Variants in TTC34 observed in about 807,000 individuals in gnomAD.
TTC34 encodes the protein tetratricopeptide repeat domain 34, also known as tetratricopeptide repeat protein 34.
Under a neutral mutation model 40.7 loss-of-function variants are expected in TTC34, and 44 were observed. That is an observed-to-expected ratio of 1.08 (90% CI 0.85 to 1.39). The LOEUF (loss-of-function observed/expected upper bound fraction) is 1.39. Among genes scored for constraint, TTC34 ranks in the 40% most tolerant of loss-of-function variants. The pLI is 0.00. For missense variants in TTC34, 884 were observed against 838.0 expected (o/e 1.05, Z -0.68); for synonymous variants, 422 against 398.6 (o/e 1.06, Z -0.70).
exon 2 of TTC34, chr1:2,800,097 A>G (rs1194076938): frequency 5.0e-6 from 2 of 398,170 alleles, no homozygotes. Context: ...GCATGCTGCC[A>G]GGCAGTCCTC....
At chr1:2,780,822 C>T (rs755702336) in intron 6 of TTC34, among the ~76,000 whole-genome samples, 3 of 152,156 alleles carry the variant, frequency 2.0e-5, no homozygotes, top group Admixed American at 6.5e-5. Context: ...ACAGAGATTG[C>T]ATTGAATCTG....
chr1:2,751,026 A>G (rs1446318669), intron 6 of TTC34, among the ~76,000 whole-genome samples: 1 of 120,388 alleles, frequency 8.3e-6, no homozygotes, highest in Non-Finnish European at 1.7e-5. Flanking sequence ...AGCATCTGAC[A>G]GCCTGGAACA....
chr1:2,768,948 G>C (rs1346628764), intron 6 of TTC34, among the ~76,000 whole-genome samples: 5 of 38,860 alleles, frequency 1.3e-4, no homozygotes, highest in Admixed American at 1.2e-3. Context: ...CTGCTTCCAG[G>C]TGAACATCTG....
intron 6 of TTC34, among the ~76,000 whole-genome samples, chr1:2,675,469 A>G (rs1173178611): frequency 9.7e-6 from 1 of 103,156 alleles, no homozygotes; most frequent in Non-Finnish European, 2.3e-5. Context: ...ACAGCATGTA[A>G]CAGCACCCAC....
chr1:2,688,219 G>T (rs528639175), intron 6 of TTC34, among the ~76,000 whole-genome samples: 2 of 116,366 alleles, frequency 1.7e-5, no homozygotes, highest in Admixed American at 9.0e-5. Context: ...CCCCAGGGGA[G>T]CATCCGACAG....
Position 2,681,846 on chromosome 1 carries a change from C to T in TTC34, c.2227-36283G>A, listed in dbSNP as rs1210707849. On this transcript the variant is annotated intron_variant, in intron 6 of 8. Coordinates refer to ENST00000401095, the Ensembl canonical transcript of TTC34. ...ACACCCACAGGTGAGCATCTGACAG[C>T]CTGGAACAGAACCCACACGCCCAGG... 1.7e-4 allele frequency among the ~76,000 whole-genome samples: 20 copies of T among 116,144 alleles called. No homozygotes were observed. The East Asian group carries it at 1.8e-3, about 10-fold the overall frequency. The allele number at this position is 116,144 out of a possible 152,430, so 76.2% of individuals were successfully genotyped here.
Position 2,645,539 on chromosome 1 carries a change from C to A in TTC34, c.2251G>T (p.Ala751Ser). The stretch of plus-strand genomic sequence containing the variant: ...ACAGTCCCGGGGCCGAGCTTCAGAG[C>A]AGAGACGATGTCGTCCACGGCTTCC... Residue 751 changes from alanine (A) to serine (S), a missense_variant, in exon 7 of 9, where the codon GCT becomes TCT. By Grantham distance (99) the Ala-to-Ser change is moderately conservative. Transcript: ENST00000401095. This position sits in a 1 kb window ranked among gnomAD's most constrained non-coding sequence, Gnocchi z 4.7. The A allele has an allele frequency of 8.3e-7, 1 of 1,210,714 alleles. No individual in the cohort carries two copies. Among genetic ancestry groups the A allele is most frequent in the Non-Finnish European group, 1.0e-6 (1 of 960,180 alleles). The allele number at this position is 1,210,714 out of a possible 1,614,324, so 75.0% of individuals were successfully genotyped here. A position where few individuals can be genotyped will look rare whatever the true frequency, so the allele number is the denominator to read the frequency against.
At chr1:2,769,749 C>T (rs1641996527) in intron 6 of TTC34, among the ~76,000 whole-genome samples, 1 of 145,564 alleles carries the variant, frequency 6.9e-6, no homozygotes, top group Non-Finnish European at 1.5e-5. Context: ...GCAGCGCCCA[C>T]ACCCCCAGGT....
At chr1:2,688,694 C>T (rs1257608445) in intron 6 of TTC34, among the ~76,000 whole-genome samples, 7 of 133,132 alleles carry the variant, frequency 5.3e-5, no homozygotes, top group African/African-American at 2.3e-4. Context: ...CCCTGCACCC[C>T]CAGGAGAGCA....
intron 6 of TTC34, among the ~76,000 whole-genome samples, chr1:2,764,107 G>C (rs1314610074): frequency 2.9e-5 from 4 of 139,288 alleles, no homozygotes; most frequent in Non-Finnish European, 4.7e-5. Context: ...CCAACCACAG[G>C]TGAGGATCTG....
intron 6 of TTC34, among the ~76,000 whole-genome samples, chr1:2,683,519 G>C (rs577713122): frequency 5.6e-4 from 84 of 150,508 alleles, no homozygotes; most frequent in African/African-American, 1.8e-3. Context: ...ACACCACCAG[G>C]TGAGCATCTG....
intron 8 of TTC34, among the ~76,000 whole-genome samples, chr1:2,643,992 C>T (rs1570745390): frequency 6.6e-6 from 1 of 152,304 alleles, no homozygotes; most frequent in Non-Finnish European, 1.5e-5. Context: ...GCCCTGAGGG[C>T]AAGGTCCTCT....
At chr1:2,778,991 A>C (rs1436297916) in intron 6 of TTC34, among the ~76,000 whole-genome samples, 1 of 151,948 alleles carries the variant, frequency 6.6e-6, no homozygotes, top group African/African-American at 2.4e-5. Flanking sequence ...GACTCTAGGG[A>C]CTTCATATAA....
intron 6 of TTC34, among the ~76,000 whole-genome samples, chr1:2,655,246 A>AGTCTGCTC (rs1223946446): frequency 1.9e-5 from 2 of 106,892 alleles, no homozygotes; most frequent in Admixed American, 1.1e-4. Flanking sequence ...CTGGAGCAGC[A>AGTCTGCTC]CGCACACCCC....
intron 6 of TTC34, among the ~76,000 whole-genome samples, chr1:2,697,351 ACAGCAC>A (rs1640914857): frequency 7.0e-6 from 1 of 143,030 alleles, no homozygotes; most frequent in Admixed American, 7.0e-5. Context: ...ACAACCTGGA[ACAGCAC>A]CCATACGCCC....
At chr1:2,756,652 G>A (rs1641515706) in intron 6 of TTC34, among the ~76,000 whole-genome samples, 4 of 151,604 alleles carry the variant, frequency 2.6e-5, no homozygotes, top group African/African-American at 7.2e-5. Context: ...TGACAGCCTG[G>A]AACAGCACCC....
At chr1:2,643,858 A>G (rs142706819) in intron 8 of TTC34, among the ~76,000 whole-genome samples, 1 of 152,124 alleles carries the variant, frequency 6.6e-6, no homozygotes, top group African/African-American at 2.4e-5. Context: ...TGCCTCTGGG[A>G]CCCCAAAGCC....
At chr1:2,687,717 G>A (rs549944029) in intron 6 of TTC34, among the ~76,000 whole-genome samples, 40 of 151,390 alleles carry the variant, frequency 2.6e-4, no homozygotes, top group African/African-American at 8.1e-4. Context: ...GCCGGGAACA[G>A]CACCCACACC....
chr1:2,791,968 T>C (rs1252238092), intron 2 of TTC34, among the ~76,000 whole-genome samples: 1 of 149,748 alleles, frequency 6.7e-6, no homozygotes, highest in African/African-American at 2.4e-5. Context: ...TATTTTCATT[T>C]CAATTATTGC....
Sources: allele counts gnomAD v4.1 joint callset (sites outside exome capture counted in the v4.1 genomes callset), GRCh38; gene constraint gnomAD v4.1.1; non-coding constraint Gnocchi (gnomAD v3.1); transcripts MANE v1.5; gene names NCBI Gene and HGNC (gene_info 2026-07-23, HGNC 2026-07-21).